Variants in MTIF2 observed in about 807,000 individuals in gnomAD.
The protein encoded by MTIF2 is mitochondrial translational initiation factor 2, also known as translation initiation factor IF-2, mitochondrial.
Under a neutral mutation model 83.5 loss-of-function variants are expected in MTIF2, and 71 were observed. The observed-to-expected ratio is 0.85, with a 90% CI of 0.70 to 1.04. MTIF2 has a LOEUF of 1.04. Among genes scored for constraint, MTIF2 ranks in the 50% least tolerant of loss-of-function variants. MTIF2 has a pLI of 0.00. For synonymous variants in MTIF2, 319 were observed against 287.1 expected, an observed-to-expected ratio of 1.11 and a Z score of -1.12; for missense variants, 957 against 846.5, an observed-to-expected ratio of 1.13 and a Z score of -1.62.
intron 5 of MTIF2, among the ~76,000 whole-genome samples, chr2:55,258,258 T>C (rs1294339753): frequency 6.6e-6 from 1 of 152,194 alleles, no homozygotes; most frequent in Non-Finnish European, 1.5e-5. Context: ...CAAGAAACGA[T>C]TTCCTATTTA....
At chr2:55,256,853 G>A (rs909290506) in intron 5 of MTIF2, among the ~76,000 whole-genome samples, 3 of 142,834 alleles carry the variant, frequency 2.1e-5, no homozygotes, top group Non-Finnish European at 4.6e-5. Context: ...GACCACAGGT[G>A]CCACCACTAC....
intron 8 of MTIF2, 26 bp from the exon 9 acceptor site, chr2:55,249,560 T>G (rs965486010): frequency 1.9e-6 from 3 of 1,608,650 alleles, no homozygotes; most frequent in Non-Finnish European, 2.5e-6. Context: ...TTAAAAAGAG[T>G]GAAAATGATG....
Position 55,251,399 on chromosome 2 carries a change from T to C in MTIF2, c.841+1078A>G, listed in dbSNP as rs560956343. 2.1e-4 allele frequency among the ~76,000 whole-genome samples: 32 copies of C among 152,314 alleles called. 1 individual carries two copies. The South Asian group carries it at 6.6e-3, about 32-fold the overall frequency. ...CAGATCCAAATTCCATATGCAGACA[T>C]ACTGAAAATTAGTGTATAATTGTAT... is the stretch of plus-strand genomic sequence containing the variant. On this transcript the variant is annotated intron_variant, in intron 8 of 15. Coordinates refer to ENST00000263629, the MANE Select transcript of MTIF2 (RefSeq NM_002453.3).
rs1229543498 is a variant in MTIF2, at chr2:55,254,703, T to G, written c.454A>C (p.Ser152Arg). The part of the protein sequence containing the change: ...ITKAGMKLKW[S>R]KLKQDKVRKN... ...CTGACTTTGTCCTGTTTTAATTTACTCCACTTTAACTTCATCCCTGCCTTC... is the reference window on the plus strand; with the variant it reads ...CTGACTTTGTCCTGTTTTAATTTACGCCACTTTAACTTCATCCCTGCCTTC... Residue 152 changes from serine to arginine, a missense_variant, in exon 6 of 16, where the codon AGT becomes CGT. Transcript: ENST00000263629. 6.2e-7 allele frequency: 1 copy of G among 1,609,102 alleles called. No individual in the cohort carries two copies. Among genetic ancestry groups the G allele is most frequent in the Admixed American group, 1.7e-5 (1 of 59,014 alleles).
rs564281640 is a variant in MTIF2, at chr2:55,262,351, A to G, written c.296T>C (p.Ile99Thr). The change falls in exon 5 of 16, where the codon ATT becomes ACT. Residue 99 changes from isoleucine to threonine, a missense_variant. Ile to Thr is a moderately conservative substitution (Grantham distance 89). This residue lies in a region of MTIF2 where 733 missense variants were observed against 648.7 expected (regional missense o/e 1.13). Coordinates refer to ENST00000263629, the MANE Select transcript of MTIF2 (RefSeq NM_002453.3). ...KVVEVWIGMTIEELARAMEKN... is the reference protein window; with the variant it reads ...KVVEVWIGMTTEELARAMEKN... ...TTCCATTGCCCTGGCCAGTTCCTCA[A>G]TAGTCATTCCAATCCATACTTCTAC... is the stretch of plus-strand genomic sequence containing the variant. The G allele has an allele frequency of 1.9e-6, 3 of 1,613,566 alleles. No individual in the cohort carries two copies. Among genetic ancestry groups the G allele is most frequent in the African/African-American group, 1.3e-5 (1 of 74,970 alleles).
At position 55,244,219 on chromosome 2, in the gene MTIF2, G is replaced by A; in HGVS notation, c.1121C>T (p.Ala374Val). The A allele has an allele frequency of 6.2e-7, 1 of 1,612,530 alleles. No homozygotes were observed. The highest frequency in any genetic ancestry group is 8.5e-7 in the Non-Finnish European group (1 of 1,178,752). The stretch of plus-strand genomic sequence containing the variant: ...TCTTAAAGTTCCTCTTTGAATTATA[G>A]CTGTAGTAACAAGACTAAAATGAAA... ...TDKGRGLVTT[A>V]IIQRGTLRKG... The change falls in exon 11 of 16, where the codon GCT becomes GTT. Residue 374 changes from alanine to valine, a missense_variant. Physicochemically the swap from Ala to Val is moderately conservative, Grantham distance 64. Transcript: ENST00000263629.
At chr2:55,259,473 C>T (rs1677792546) in intron 5 of MTIF2, among the ~76,000 whole-genome samples, 1 of 146,116 alleles carries the variant, frequency 6.8e-6, no homozygotes. Context: ...TTATGGGTTC[C>T]TCTATGTGTA....
intron 1 of MTIF2, 114 bp from the exon 2 acceptor site, chr2:55,268,853 G>C (rs932441038): frequency 6.6e-6 from 1 of 152,150 alleles, no homozygotes; most frequent in African/African-American, 2.4e-5. Context: ...GAAAAATTAC[G>C]GATCTGGGGT....
intron 5 of MTIF2, among the ~76,000 whole-genome samples, chr2:55,256,836 T>C (rs1445802083): frequency 6.6e-6 from 1 of 151,754 alleles, no homozygotes; most frequent in East Asian, 1.9e-4. Context: ...GCCTCCGTTA[T>C]AGCTGGGACC....
At chr2:55,262,662 C>T (rs1351762865) in intron 4 of MTIF2, among the ~76,000 whole-genome samples, 1 of 150,854 alleles carries the variant, frequency 6.6e-6, no homozygotes, top group Non-Finnish European at 1.5e-5. Flanking sequence ...CCTGCCTCAG[C>T]CTCCCCAGTA....
chr2:55,243,518 T>C lies in MTIF2; in HGVS notation c.1462A>G (p.Lys488Glu). Residue 488 changes from lysine (K) to glutamate (E), a missense_variant, in exon 12 of 16, where the codon AAG becomes GAG. Physicochemically the swap from Lys to Glu is moderately conservative, Grantham distance 56. Coordinates refer to ENST00000263629, the MANE Select transcript of MTIF2 (RefSeq NM_002453.3). ...TCTAAAAACCGTAGAATTGATCTCTTCTTCCACAGTAGATGGCCATACTTC... is the reference window on the plus strand; with the variant it reads ...TCTAAAAACCGTAGAATTGATCTCTCCTTCCACAGTAGATGGCCATACTTC... ...REKYGHLLWK[K>E]RSILRFLERK... The C allele has an allele frequency of 6.2e-7, 1 of 1,614,124 alleles. No individual in the cohort carries two copies. The highest frequency in any genetic ancestry group is 1.1e-5 in the South Asian group (1 of 91,080).
At chr2:55,255,546 AC>A (rs1472104904) in intron 5 of MTIF2, among the ~76,000 whole-genome samples, 2 of 145,676 alleles carry the variant, frequency 1.4e-5, no homozygotes, top group African/African-American at 5.4e-5. Context: ...GGCCAATTGC[AC>A]TATAACTCAT....
chr2:55,246,487 T>C, intron 9 of MTIF2, 26 bp from the exon 10 acceptor site: 4 of 1,591,178 alleles, frequency 2.5e-6, no homozygotes, highest in Non-Finnish European at 2.6e-6. Flanking sequence ...ACGTTGTTAA[T>C]ACACATTAAT....
At chr2:55,266,763 CTTTTTTTTT>C (rs1216777992) in intron 3 of MTIF2, among the ~76,000 whole-genome samples, 1 of 86,306 alleles carries the variant, frequency 1.2e-5, no homozygotes, top group South Asian at 3.9e-4. Context: ...ACATTTCATT[CTTTTTTTTT>C]TTTTTTTTTT....
chr2:55,255,425 AAT>A (rs1677436999), intron 5 of MTIF2, among the ~76,000 whole-genome samples: 2 of 145,752 alleles, frequency 1.4e-5, no homozygotes, highest in Admixed American at 7.0e-5. Flanking sequence ...TATATATCTC[AAT>A]ATGATATATT....
chr2:55,262,669 A>G (rs1165613924), intron 4 of MTIF2, among the ~76,000 whole-genome samples: 1 of 145,726 alleles, frequency 6.9e-6, no homozygotes, highest in Non-Finnish European at 1.5e-5. Context: ...CAGCCTCCCC[A>G]GTAGCTGGGA....
At chr2:55,266,633 T>A (rs1280341977) in intron 3 of MTIF2, 1 of 148,916 alleles carries the variant, frequency 6.7e-6, no homozygotes, top group Non-Finnish European at 1.5e-5. Flanking sequence ...TAAATATATT[T>A]ATATTTTCTA....
chr2:55,260,202 C>A (rs188831457), intron 5 of MTIF2, among the ~76,000 whole-genome samples: 63 of 152,088 alleles, frequency 4.1e-4, no homozygotes, highest in African/African-American at 1.4e-3. Context: ...GAGTTCGAGA[C>A]CAGCCTGACC....
chr2:55,236,602 C>T lies in MTIF2; in HGVS notation c.*46G>A, dbSNP rs185811333. On this transcript the variant is annotated 3_prime_UTR_variant, in exon 16 of 16. Transcript: ENST00000263629. ...TTGGCCAGTAGTAGTGCATTTCTAC[C>T]TTCAAACAAACAACACGTTGAGTTA... 6.2e-5 allele frequency: 94 copies of T among 1,512,116 alleles called. No homozygotes were observed. The African/African-American group carries it at 9.4e-4, about 15-fold the overall frequency. The allele number at this position is 1,512,116 out of a possible 1,614,324, so 93.7% of individuals were successfully genotyped here.
Sources: gnomAD v4.1 joint callset for allele counts (sites outside exome capture counted in the v4.1 genomes callset) on GRCh38, gnomAD v4.1.1 for gene constraint, gnomAD v4.1.1 regional missense constraint, MANE v1.5 for transcripts, NCBI Gene and HGNC (gene_info 2026-07-23, HGNC 2026-07-21) for gene names.